The following PTPRD variants were observed in gnomAD, a reference collection of about 807,000 sequenced individuals.
PTPRD encodes receptor-type tyrosine-protein phosphatase delta.
Under a neutral mutation model 214.5 loss-of-function variants are expected in PTPRD, and 34 were observed. The observed-to-expected ratio is 0.16, with a 90% CI of 0.12 to 0.21. The LOEUF is 0.21. Among genes scored for constraint, PTPRD ranks in the 10% least tolerant of loss-of-function variants. PTPRD has a pLI of 1.00. For synonymous variants in PTPRD, 1,128 were observed against 845.7 expected, an observed-to-expected ratio of 1.33 and a Z score of -5.79; for missense variants, 2,545 against 2,398.7, an observed-to-expected ratio of 1.06 and a Z score of -1.27.
intron 5 of PTPRD, among the ~76,000 whole-genome samples, chr9:9,857,862 G>C (rs1022370625): frequency 2.6e-5 from 4 of 152,080 alleles, no homozygotes; most frequent in Non-Finnish European, 5.9e-5. Context: ...GTTGAAGAAA[G>C]AGAACATTAA....
intron 8 of PTPRD, among the ~76,000 whole-genome samples, chr9:9,474,077 G>C (rs865949736): frequency 1.3e-5 from 2 of 151,904 alleles, no homozygotes; most frequent in Non-Finnish European, 2.9e-5. Context: ...TACTTCTAGT[G>C]GTTTTATAGA....
At chr9:8,810,219 T>C (rs1187289612) in intron 11 of PTPRD, among the ~76,000 whole-genome samples, 2 of 152,200 alleles carry the variant, frequency 1.3e-5, no homozygotes, top group Non-Finnish European at 1.5e-5. Context: ...CATAGTATGA[T>C]AGACTTTGGA....
At chr9:8,774,241 TTCAACG>T (rs2095365277) in intron 11 of PTPRD, among the ~76,000 whole-genome samples, 2 of 113,908 alleles carry the variant, frequency 1.8e-5, no homozygotes, top group Non-Finnish European at 4.0e-5. Flanking sequence ...TTTGGTTTCC[TTCAACG>T]TCCGGATATC....
chr9:9,941,005 G>GA lies in PTPRD; in HGVS notation c.-471-2396dup, dbSNP rs202187663. On this transcript the variant is annotated intron_variant, in intron 4 of 45. Transcript: ENST00000381196. ...CTTTTGGCTTCCCTGGGCCACACCA[G>GA]AAAAAAAAAGAGTTGTCTTGGGCTA... Among the ~76,000 whole-genome samples the GA allele has an allele frequency of 3.1e-4, 46 of 150,118 alleles. 1 individual carries two copies. Among genetic ancestry groups the GA allele is most frequent in the East Asian group, 5.9e-4 (3 of 5,118 alleles).
In PTPRD at chr9:9,660,458, T is replaced by G. The variant is rs368263709; in HGVS notation, c.-287+74075A>C. On this transcript the variant is annotated intron_variant, in intron 7 of 45. Coordinates refer to ENST00000381196, the MANE Select transcript of PTPRD (RefSeq NM_002839.4). ...AGAGATGCTTTGAGTGATGGGATCT[T>G]GAATATAGTTTAATAGATAATATTT... Among the ~76,000 whole-genome samples, 34 of 152,060 alleles carry G rather than the reference T, an allele frequency of 2.2e-4. 1 individual carries two copies. The highest frequency in any genetic ancestry group is 7.9e-4 in the African/African-American group (33 of 41,524).
chr9:8,836,864 C>G (rs2097437009), intron 11 of PTPRD, among the ~76,000 whole-genome samples: 1 of 151,836 alleles, frequency 6.6e-6, no homozygotes. Flanking sequence ...AGACTAGTAG[C>G]AGACTCCTCC....
chr9:10,111,570 A>C (rs1234596770), intron 3 of PTPRD, among the ~76,000 whole-genome samples: 1 of 152,098 alleles, frequency 6.6e-6, no homozygotes, highest in Non-Finnish European at 1.5e-5. Context: ...TAGAAGGTTC[A>C]GTTGTATTAT....
intron 33 of PTPRD, among the ~76,000 whole-genome samples, chr9:8,459,327 G>T (rs1333211794): frequency 6.6e-6 from 1 of 151,976 alleles, no homozygotes; most frequent in East Asian, 1.9e-4. Flanking sequence ...GTAGTAGAAG[G>T]ATGAGATCAA....
At chr9:9,296,005 T>C (rs1297271629) in intron 9 of PTPRD, among the ~76,000 whole-genome samples, 1 of 151,778 alleles carries the variant, frequency 6.6e-6, no homozygotes, top group Non-Finnish European at 1.5e-5. Flanking sequence ...ATACCTCAGG[T>C]TTTTTGTTTG....
intron 9 of PTPRD, among the ~76,000 whole-genome samples, chr9:9,226,895 G>C (rs1309510440): frequency 6.6e-6 from 1 of 151,922 alleles, no homozygotes; most frequent in Non-Finnish European, 1.5e-5. Flanking sequence ...TTTGCATTAA[G>C]GGCTACACCA....
intron 8 of PTPRD, among the ~76,000 whole-genome samples, chr9:9,553,573 G>C (rs1249246897): frequency 6.6e-6 from 1 of 151,612 alleles, no homozygotes; most frequent in Admixed American, 6.6e-5. Context: ...ACAGTGTTTT[G>C]GTGTTTCTAA....
intron 11 of PTPRD, among the ~76,000 whole-genome samples, chr9:8,769,490 C>T (rs16928414): frequency 0.012 from 1,762 of 152,232 alleles, 29 homozygotes; most frequent in Admixed American, 0.045. Flanking sequence ...CAGTAGACAA[C>T]AAAGGCATTT....
At chr9:10,184,738 G>A (rs926387752) in intron 3 of PTPRD, among the ~76,000 whole-genome samples, 1 of 152,016 alleles carries the variant, frequency 6.6e-6, no homozygotes, top group Admixed American at 6.6e-5. Flanking sequence ...TAATATGTGG[G>A]GGCAGAATAA....
At chr9:9,952,943 G>A (rs1019090582) in intron 4 of PTPRD, among the ~76,000 whole-genome samples, 1 of 152,090 alleles carries the variant, frequency 6.6e-6, no homozygotes, top group African/African-American at 2.4e-5. Flanking sequence ...GCAAGTAGAA[G>A]AGCCCTCATA....
Position 9,907,327 on chromosome 9 carries a change from G to A in PTPRD, c.-368+31180C>T, listed in dbSNP as rs565980113. ...ATTATTATATTAGTCTGCTAGGGCC[G>A]TCATAATAAAATACCACAGACTGGG... is the stretch of plus-strand genomic sequence containing the variant. On this transcript the variant is annotated intron_variant, in intron 5 of 45. Transcript: ENST00000381196. 6.8e-4 allele frequency among the ~76,000 whole-genome samples: 104 copies of A among 151,986 alleles called. 1 individual carries two copies. Among genetic ancestry groups the A allele is most frequent in the African/African-American group, 2.1e-3 (89 of 41,492 alleles).
chr9:9,587,532 G>A (rs904884156), intron 7 of PTPRD, among the ~76,000 whole-genome samples: 7 of 148,854 alleles, frequency 4.7e-5, no homozygotes, highest in Non-Finnish European at 9.0e-5. Flanking sequence ...ATTCCCAATG[G>A]CAGCCCAAAA....
intron 4 of PTPRD, among the ~76,000 whole-genome samples, chr9:9,978,373 A>G (rs2154060437): frequency 6.6e-6 from 1 of 152,272 alleles, no homozygotes; most frequent in East Asian, 1.9e-4. Context: ...AAAAATTAAA[A>G]TGGAAACGCT....
chr9:8,585,347 G>A (rs528749881), intron 14 of PTPRD, among the ~76,000 whole-genome samples: 1 of 152,228 alleles, frequency 6.6e-6, no homozygotes, highest in Non-Finnish European at 1.5e-5. Flanking sequence ...AGTCTCCTGG[G>A]TCAGTTTCCT....
intron 2 of PTPRD, among the ~76,000 whole-genome samples, chr9:10,365,485 T>A (rs897900983): frequency 2.0e-5 from 3 of 152,238 alleles, no homozygotes; most frequent in Admixed American, 2.0e-4. Context: ...TGACAGTTTT[T>A]ATTTATTCTT....
Sources: gnomAD v4.1 joint callset for allele counts (sites outside exome capture counted in the v4.1 genomes callset) on GRCh38, gnomAD v4.1.1 for gene constraint, MANE v1.5 for transcripts, NCBI Gene and HGNC (gene_info 2026-07-23, HGNC 2026-07-21) for gene names.